XPNPEP1: variants seen among roughly 807,000 people sequenced by gnomAD.
The protein encoded by XPNPEP1 is X-prolyl aminopeptidase 1.
Under a neutral mutation model 92.4 loss-of-function variants are expected in XPNPEP1, and 39 were observed. The observed-to-expected ratio is 0.42, with a 90% CI of 0.33 to 0.55. The LOEUF (loss-of-function observed/expected upper bound fraction) is 0.55, where lower values mean the gene tolerates loss of function less well. Among genes scored for constraint, XPNPEP1 ranks in the 20% least tolerant of loss-of-function variants. XPNPEP1 has a pLI of 0.08. For missense variants in XPNPEP1, 654 were observed against 856.1 expected (o/e 0.76, Z 2.95); for synonymous variants, 307 against 299.4 (o/e 1.03, Z -0.26).
intron 1 of XPNPEP1, among the ~76,000 whole-genome samples, chr10:109,915,352 TAAG>T (rs1161616211): frequency 6.6e-6 from 1 of 152,234 alleles, no homozygotes; most frequent in African/African-American, 2.4e-5. Context: ...TTAACTAGAC[TAAG>T]AAGACTTATT....
chr10:109,920,167 T>G (rs972308000), intron 1 of XPNPEP1, among the ~76,000 whole-genome samples: 7 of 152,144 alleles, frequency 4.6e-5, no homozygotes, highest in Non-Finnish European at 1.0e-4. Context: ...ATGTCCAGAA[T>G]AGGCAAATCG....
intron 8 of XPNPEP1, 78 bp from the exon 9 acceptor site, chr10:109,884,226 T>C: frequency 7.1e-7 from 1 of 1,405,982 alleles, no homozygotes; most frequent in Non-Finnish European, 9.9e-7. Context: ...AGGGAAGAGC[T>C]TCAGCTTGGA....
intron 4 of XPNPEP1, 148 bp from the exon 5 acceptor site, chr10:109,891,974 G>A (rs546715998): frequency 1.5e-6 from 1 of 678,332 alleles, no homozygotes; most frequent in East Asian, 2.8e-5. Flanking sequence ...GAAACCTCTG[G>A]GCAAGAGAAG....
intron 10 of XPNPEP1, 135 bp downstream of exon 10, chr10:109,882,297 C>T: frequency 2.0e-6 from 2 of 999,606 alleles, no homozygotes; most frequent in Non-Finnish European, 2.9e-6. Flanking sequence ...ATGGCTCCAG[C>T]TTTAAGGCCT....
intron 2 of XPNPEP1, among the ~76,000 whole-genome samples, 159 bp from the exon 3 acceptor site, chr10:109,907,974 G>T (rs1171787185): frequency 6.6e-6 from 1 of 152,158 alleles, no homozygotes; most frequent in Non-Finnish European, 1.5e-5. Context: ...GACCAAAGCT[G>T]CCAGAAACAC....
At chr10:109,877,924 C>T in intron 13 of XPNPEP1, 57 bp from the exon 14 acceptor site, 1 of 1,614,140 alleles carries the variant, frequency 6.2e-7, no homozygotes, top group Non-Finnish European at 8.5e-7. Flanking sequence ...TGCTAAGATT[C>T]AGGGCCCTTC....
intron 13 of XPNPEP1, 58 bp from the exon 14 acceptor site, chr10:109,877,925 A>C: frequency 1.2e-6 from 2 of 1,614,132 alleles, no homozygotes; most frequent in Non-Finnish European, 8.5e-7. Context: ...GCTAAGATTC[A>C]GGGCCCTTCC....
intron 1 of XPNPEP1, among the ~76,000 whole-genome samples, chr10:109,916,638 G>A (rs1850206865): frequency 6.6e-6 from 1 of 152,094 alleles, no homozygotes; most frequent in African/African-American, 2.4e-5. Context: ...TGGACAGAAT[G>A]GGATGTTCTT....
intron 1 of XPNPEP1, among the ~76,000 whole-genome samples, chr10:109,916,962 A>AT (rs1353459203): frequency 6.6e-6 from 1 of 152,164 alleles, no homozygotes; most frequent in Non-Finnish European, 1.5e-5. Context: ...ACTAGAAGAA[A>AT]AATTCCTCAA....
chr10:109,884,096 G>A lies in XPNPEP1; in HGVS notation c.801C>T (p.Ser267=). 1.2e-6 allele frequency: 2 copies of A among 1,614,056 alleles called. No homozygotes were observed. The highest frequency in any genetic ancestry group is 2.2e-5 in the East Asian group (1 of 44,866). ...SDVEHNPVFF[S]YAIIGLETIM... is the part of the protein sequence containing the mutation. ...TCGTCTCTAGTCCTATGATTGCGTA[G>A]GAGAAAAATACTGGATTGTGCTCCA... Residue 267 remains serine (S), a synonymous_variant, in exon 9 of 21, where the codon TCC becomes TCT. Transcript: ENST00000502935.
intron 19 of XPNPEP1, 194 bp downstream of exon 19, chr10:109,869,759 T>C (rs1430767582): frequency 3.8e-6 from 2 of 522,828 alleles, no homozygotes; most frequent in African/African-American, 1.9e-5. Context: ...CCCTGATATC[T>C]GGAGAAGAAG....
At chr10:109,865,422 A>G (rs1022582203) in intron 20 of XPNPEP1, 110 bp from the exon 21 acceptor site, 4 of 1,426,698 alleles carry the variant, frequency 2.8e-6, no homozygotes, top group African/African-American at 2.8e-5. Context: ...GCTGAGAGAA[A>G]AGGTGTGCAA....
At chr10:109,873,949 A>G (rs1847628784) in intron 15 of XPNPEP1, among the ~76,000 whole-genome samples, 1 of 152,236 alleles carries the variant, frequency 6.6e-6, no homozygotes, top group Admixed American at 6.5e-5. Flanking sequence ...ATAGATACAG[A>G]AAGGAGAGTA....
rs928959532 is a variant in XPNPEP1 at position 109,878,128 on chromosome 10, G to T, written c.1183-70C>A. 1.2e-5 allele frequency: 19 copies of T among 1,573,678 alleles called. No individual in the cohort carries two copies. In the Admixed American group the frequency reaches 1.3e-4, roughly 11 times the overall value. On this transcript the variant is annotated intron_variant, in intron 12 of 20. Transcript: ENST00000502935. ...GTGTGCCTCTTACAAATTAGAGGAG[G>T]TACATTAAAAGCTCACTTTTTCCTC...
intron 3 of XPNPEP1, chr10:109,893,385 A>G (rs899819415): frequency 3.9e-5 from 10 of 256,998 alleles, no homozygotes; most frequent in Non-Finnish European, 7.4e-5. Context: ...AATCAAACCA[A>G]TAATAGCCTT....
chr10:109,887,587 C>T (rs1430961681), intron 7 of XPNPEP1, among the ~76,000 whole-genome samples: 1 of 152,150 alleles, frequency 6.6e-6, no homozygotes, highest in Non-Finnish European at 1.5e-5. Context: ...GCTTACCCAT[C>T]ACTATCGCAC....
intron 9 of XPNPEP1, among the ~76,000 whole-genome samples, chr10:109,883,458 T>A (rs952564410): frequency 3.3e-5 from 5 of 152,314 alleles, no homozygotes; most frequent in Middle Eastern, 3.4e-3. Context: ...ACAAGCAGAC[T>A]GGTGCCCACT....
chr10:109,896,751 A>G (rs550867174), intron 3 of XPNPEP1, among the ~76,000 whole-genome samples: 2 of 152,146 alleles, frequency 1.3e-5, no homozygotes, highest in East Asian at 1.9e-4. Context: ...AGAGACATGA[A>G]GCTTTTCCCT....
chr10:109,870,119 C>A, intron 18 of XPNPEP1, 90 bp from the exon 19 acceptor site: 1 of 1,399,814 alleles, frequency 7.1e-7, no homozygotes, highest in Non-Finnish European at 9.9e-7. Context: ...GACTGCCCTA[C>A]TCCAAAGGAG....
Sources: allele counts gnomAD v4.1 joint callset (sites outside exome capture counted in the v4.1 genomes callset), GRCh38; gene constraint gnomAD v4.1.1; transcripts MANE v1.5; gene names NCBI Gene and HGNC (gene_info 2026-07-23, HGNC 2026-07-21).